ZMAT4: variants seen among roughly 807,000 people sequenced by gnomAD.
ZMAT4 encodes the protein zinc finger matrin-type 4.
A neutral mutation model predicts 28.7 loss-of-function variants in ZMAT4; 17 were observed. That is an observed-to-expected ratio of 0.59 (90% CI 0.41 to 0.89). The LOEUF is 0.89. Among genes scored for constraint, ZMAT4 ranks in the 40% least tolerant of loss-of-function variants. The probability of loss-of-function intolerance (pLI) is 0.00; values close to 1 mark genes in which losing one functional copy is unlikely to be tolerated. For missense variants in ZMAT4, 240 were observed against 283.8 expected, an observed-to-expected ratio of 0.85 and a Z score of 1.11; for synonymous variants, 117 against 109.2, an observed-to-expected ratio of 1.07 and a Z score of -0.44.
At chr8:40,869,779 C>A (rs761315673) in intron 1 of ZMAT4, among the ~76,000 whole-genome samples, 4 of 152,192 alleles carry the variant, frequency 2.6e-5, no homozygotes, top group Non-Finnish European at 5.9e-5. Context: ...AACTGAAGAA[C>A]GATGCATGAC....
rs377309264 is a variant in ZMAT4, at chr8:40,840,114, C to T, written c.-4-14434G>A. Among the ~76,000 whole-genome samples the T allele has an allele frequency of 5.1e-4, 78 of 152,270 alleles. 1 individual carries two copies. The highest frequency in any genetic ancestry group is 1.8e-3 in the African/African-American group (75 of 41,544). On this transcript the variant is annotated intron_variant, in intron 1 of 6. Coordinates refer to ENST00000297737, the MANE Select transcript of ZMAT4 (RefSeq NM_024645.3). Reference sequence around the variant, plus strand: ...CAAGGGAGATGCATGGCTGAGGTGCCCTTTCAAGGAAGAAATGCTTGCCTC... The same window carrying T: ...CAAGGGAGATGCATGGCTGAGGTGCTCTTTCAAGGAAGAAATGCTTGCCTC...
intron 6 of ZMAT4, among the ~76,000 whole-genome samples, chr8:40,571,300 G>A (rs557681052): frequency 1.8e-4 from 1 of 5,476 alleles, no homozygotes; most frequent in Non-Finnish European, 8.9e-3. Context: ...GCATGCAAGT[G>A]CAACTTAGAA....
At position 40,744,271 on chromosome 8, in the gene ZMAT4, C is replaced by T. The variant is rs184834622; in HGVS notation, c.192+23370G>A. 2.0e-3 allele frequency among the ~76,000 whole-genome samples: 311 copies of T among 152,166 alleles called. 3 individuals carry two copies. The highest frequency in any genetic ancestry group is 4.0e-4 in the Non-Finnish European group (27 of 68,010). On this transcript the variant is annotated intron_variant, in intron 3 of 6. Coordinates refer to ENST00000297737, the MANE Select transcript of ZMAT4 (RefSeq NM_024645.3). The stretch of plus-strand genomic sequence containing the variant: ...TTAATCCAGATGAATCCAGGGAGTC[C>T]GTGTCCCTAGCCAGCAGAAGTCAAA...
At chr8:40,712,427 G>T (rs916648184) in intron 3 of ZMAT4, among the ~76,000 whole-genome samples, 1 of 152,188 alleles carries the variant, frequency 6.6e-6, no homozygotes, top group Non-Finnish European at 1.5e-5. Context: ...TAACAAAATC[G>T]CTGACCTGTT....
At chr8:40,533,573 C>G (rs565516266) in intron 6 of ZMAT4, among the ~76,000 whole-genome samples, 13 of 152,290 alleles carry the variant, frequency 8.5e-5, no homozygotes, top group African/African-American at 2.9e-4. Context: ...AATTCTATCA[C>G]TCACCTAGAA....
At chr8:40,827,098 T>G (rs999330285) in intron 1 of ZMAT4, among the ~76,000 whole-genome samples, 2 of 152,182 alleles carry the variant, frequency 1.3e-5, no homozygotes, top group Non-Finnish European at 2.9e-5. Context: ...GTCATTTGCA[T>G]AGCCAAAAAT....
chr8:40,799,270 CAGAT>C (rs1306849511), intron 2 of ZMAT4, among the ~76,000 whole-genome samples: 4 of 151,828 alleles, frequency 2.6e-5, no homozygotes, highest in Admixed American at 6.6e-5. Flanking sequence ...GAGAGGGAGA[CAGAT>C]AGAGAGAAAG....
chr8:40,667,529 T>C (rs979211576), intron 5 of ZMAT4, among the ~76,000 whole-genome samples: 1 of 152,188 alleles, frequency 6.6e-6, no homozygotes. Flanking sequence ...TACAATGCCA[T>C]GTGATGCTAA....
chr8:40,679,301 A>T (rs1215589470), intron 4 of ZMAT4, among the ~76,000 whole-genome samples: 2 of 152,188 alleles, frequency 1.3e-5, no homozygotes, highest in Non-Finnish European at 2.9e-5. Context: ...CATAATAATC[A>T]TAGTTGATTT....
chr8:40,573,271 A>G (rs141629664), intron 6 of ZMAT4, among the ~76,000 whole-genome samples: 1,679 of 152,214 alleles, frequency 0.011, 10 homozygotes, highest in Middle Eastern at 0.041. Context: ...TTCTCTCCAT[A>G]AGAGAAGAAT....
chr8:40,752,424 C>A (rs1377884704), intron 3 of ZMAT4, among the ~76,000 whole-genome samples: 2 of 152,170 alleles, frequency 1.3e-5, no homozygotes, highest in African/African-American at 2.4e-5. Context: ...CTGCCCACTA[C>A]CCCCTTGGCT....
intron 2 of ZMAT4, among the ~76,000 whole-genome samples, chr8:40,818,336 G>A (rs1399205888): frequency 1.3e-5 from 2 of 152,180 alleles, no homozygotes; most frequent in Admixed American, 1.3e-4. Context: ...CAAGGAAACA[G>A]AAGTTGAACA....
chr8:40,695,285 G>C lies in ZMAT4; in HGVS notation c.349+1960C>G, dbSNP rs115634137. ...TTTCTCTGCTCCCTGCCAACAGCTG[G>C]GTTGACACCAACCCAAGCCAGGAGC... On this transcript the variant is annotated intron_variant, in intron 4 of 6. Coordinates refer to ENST00000297737, the MANE Select transcript of ZMAT4 (RefSeq NM_024645.3). Among the ~76,000 whole-genome samples the C allele has an allele frequency of 3.5e-3, 530 of 152,292 alleles. 3 individuals carry two copies. Among genetic ancestry groups the C allele is most frequent in the African/African-American group, 0.012 (510 of 41,574 alleles).
intron 3 of ZMAT4, among the ~76,000 whole-genome samples, chr8:40,732,544 G>C (rs1811584698): frequency 6.6e-6 from 1 of 152,236 alleles, no homozygotes; most frequent in African/African-American, 2.4e-5. Flanking sequence ...TCCCTGGTAG[G>C]AACAGGCACC....
rs115457711 is a variant in ZMAT4 at position 40,572,906 on chromosome 8, T to C, written c.674+8259A>G. On this transcript the variant is annotated intron_variant, in intron 6 of 6. Transcript: ENST00000297737. The stretch of plus-strand genomic sequence containing the variant: ...ACAGTTTGATTAGTTATCATAATAG[T>C]AGTAGTAATAAAGGCATATGACCTG... 3.9e-3 allele frequency among the ~76,000 whole-genome samples: 594 copies of C among 152,284 alleles called. 4 individuals are homozygous for C. Among genetic ancestry groups the C allele is most frequent in the African/African-American group, 0.014 (573 of 41,556 alleles).
intron 5 of ZMAT4, 117 bp downstream of exon 5, chr8:40,674,587 A>C: frequency 1.3e-6 from 1 of 775,654 alleles, no homozygotes; most frequent in Non-Finnish European, 2.1e-6. Flanking sequence ...CTTTTGGGTG[A>C]GCCTCACTTT....
At chr8:40,821,796 C>T (rs972878563) in intron 2 of ZMAT4, among the ~76,000 whole-genome samples, 3 of 152,172 alleles carry the variant, frequency 2.0e-5, no homozygotes, top group African/African-American at 7.2e-5. Context: ...AAGAGCCTCA[C>T]AGATTCCAAA....
At chr8:40,563,649 T>C (rs1803819375) in intron 6 of ZMAT4, among the ~76,000 whole-genome samples, 1 of 152,180 alleles carries the variant, frequency 6.6e-6, no homozygotes, top group Non-Finnish European at 1.5e-5. Flanking sequence ...ACTTTAAAAT[T>C]TGAATTACAA....
chr8:40,834,149 C>A (rs150932831), intron 1 of ZMAT4, among the ~76,000 whole-genome samples: 91 of 152,328 alleles, frequency 6.0e-4, no homozygotes, highest in Non-Finnish European at 1.1e-3. Context: ...CACCTCACCC[C>A]AGCCGCGGGC....
Sources: gnomAD v4.1 joint callset for allele counts (sites outside exome capture counted in the v4.1 genomes callset) on GRCh38, gnomAD v4.1.1 for gene constraint, MANE v1.5 for transcripts, NCBI Gene and HGNC (gene_info 2026-07-23, HGNC 2026-07-21) for gene names.